The following ERICH2 variants were observed in gnomAD, a reference collection of about 807,000 sequenced individuals.
The protein encoded by ERICH2 is glutamate-rich protein 2.
A neutral mutation model predicts 17.4 loss-of-function variants in ERICH2; 17 were observed. The observed-to-expected ratio is 0.98, with a 90% CI of 0.67 to 1.47. The LOEUF is 1.47. ERICH2 is among the 40% of genes most tolerant of loss of function. The pLI is 0.00. For synonymous variants in ERICH2, 51 were observed against 61.1 expected (o/e 0.83, Z 0.77); for missense variants, 186 against 183.2 (o/e 1.01, Z -0.09).
intron 3 of ERICH2, 76 bp downstream of exon 8, chr2:170,792,996 C>T (rs1701327229): frequency 2.3e-6 from 2 of 864,306 alleles, no homozygotes; most frequent in East Asian, 5.5e-5. Flanking sequence ...TATAAAATGG[C>T]TTGATTATCA....
upstream of ERICH2, among the ~76,000 whole-genome samples, chr2:170,783,492 T>G (rs573709315): frequency 6.6e-6 from 1 of 152,164 alleles, no homozygotes; most frequent in South Asian, 2.1e-4. Flanking sequence ...GAGGATGCAG[T>G]GAGCCGAGAT....
intron 2 of ERICH2, among the ~76,000 whole-genome samples, chr2:170,786,428 T>A (rs1347163309): frequency 6.6e-6 from 1 of 152,050 alleles, no homozygotes; most frequent in Admixed American, 6.6e-5. Context: ...CTTATAAAAA[T>A]TTTTTCTTCC....
At chr2:170,785,098 T>G (rs192403029) in intron 2 of ERICH2, among the ~76,000 whole-genome samples, 5 of 152,252 alleles carry the variant, frequency 3.3e-5, no homozygotes, top group African/African-American at 7.2e-5. Context: ...TAGTTTATTG[T>G]ATACTTTAGC....
exon 1 of ERICH2, chr2:170,783,864 C>G: frequency 3.9e-6 from 6 of 1,550,528 alleles, no homozygotes; most frequent in Non-Finnish European, 5.2e-6. Flanking sequence ...GAACCAGAAA[C>G]AGGTAGACAG....
intron 2 of ERICH2, among the ~76,000 whole-genome samples, chr2:170,787,026 C>T (rs1222426923): frequency 6.9e-6 from 1 of 144,772 alleles, no homozygotes; most frequent in East Asian, 2.0e-4. Flanking sequence ...CTTTGCATGC[C>T]TATATTTTGT....
At chr2:170,781,317 G>A (rs1701021836), upstream of ERICH2, among the ~76,000 whole-genome samples, 1 of 152,082 alleles carries the variant, frequency 6.6e-6, no homozygotes. Flanking sequence ...GAGACAAATT[G>A]AAAGATTCTC....
chr2:170,777,534 C>T, the ERICH2 span: 1 of 1,063,398 alleles, frequency 9.4e-7, no homozygotes, highest in Non-Finnish European at 1.2e-6. Context: ...TAATTAAATC[C>T]TTTATTATGT....
At chr2:170,798,147 A>G (rs1233856508) in intron 4 of ERICH2, 35 bp downstream of exon 9, 9 of 1,335,614 alleles carry the variant, frequency 6.7e-6, no homozygotes, top group Non-Finnish European at 9.5e-6. Context: ...TGTTTCTCAT[A>G]GAACTATAAG....
At chr2:170,795,717 A>T (rs1392301842) in intron 3 of ERICH2, among the ~76,000 whole-genome samples, 3 of 152,190 alleles carry the variant, frequency 2.0e-5, no homozygotes, top group Non-Finnish European at 4.4e-5. Context: ...TCATCTCATG[A>T]GTGACTATGA....
chr2:170,798,706 G>A, intron 4 of ERICH2, 64 bp from the exon 10 acceptor site: 1 of 1,537,784 alleles, frequency 6.5e-7, no homozygotes, highest in South Asian at 1.2e-5. Context: ...GGGGCAAGGA[G>A]AATTATTTTT....
chr2:170,782,121 GCTAT>G (rs1347170107), upstream of ERICH2: 2 of 139,700 alleles, frequency 1.4e-5, no homozygotes, highest in Non-Finnish European at 2.8e-5. Context: ...CTACATTTTA[GCTAT>G]TTAGTTTATT....
the ERICH2 span, chr2:170,777,432 G>T: frequency 2.5e-6 from 3 of 1,204,726 alleles, no homozygotes; most frequent in Admixed American, 8.7e-5. Context: ...AACGGTAAAT[G>T]ATTTATTACT....
At chr2:170,792,887 G>A in exon 3 of ERICH2, 1 of 1,517,476 alleles carries the variant, frequency 6.6e-7, no homozygotes, top group Non-Finnish European at 8.9e-7. Flanking sequence ...AATGGCCCGA[G>A]AGTACCAGCT....
chr2:170,791,900 A>G (rs1450716478), intron 2 of ERICH2, among the ~76,000 whole-genome samples: 1 of 152,124 alleles, frequency 6.6e-6, no homozygotes. Context: ...TATTTATCAA[A>G]TATCTGGAAG....
chr2:170,787,680 C>T (rs888887138), intron 2 of ERICH2, among the ~76,000 whole-genome samples: 16 of 152,338 alleles, frequency 1.1e-4, no homozygotes, highest in Admixed American at 5.2e-4. Context: ...GTGAAACTCC[C>T]TCCTCTTTTG....
intron 1 of ERICH2, chr2:170,783,909 A>C: frequency 6.5e-7 from 1 of 1,550,382 alleles, no homozygotes; most frequent in Non-Finnish European, 8.7e-7. Context: ...TACTCTTGGA[A>C]GAACTTGATA....
chr2:170,786,033 T>C (rs2105698533), intron 2 of ERICH2, among the ~76,000 whole-genome samples: 1 of 150,948 alleles, frequency 6.6e-6, no homozygotes, highest in Admixed American at 6.6e-5. Context: ...AATACATTAT[T>C]TTTTTTAATG....
At chr2:170,793,917 G>A (rs1701348985) in intron 3 of ERICH2, among the ~76,000 whole-genome samples, 1 of 151,700 alleles carries the variant, frequency 6.6e-6, no homozygotes, top group African/African-American at 2.4e-5. Context: ...AAATTTTTTG[G>A]CCATTACCTT....
the ERICH2 span, among the ~76,000 whole-genome samples, chr2:170,778,322 G>A: frequency 2.6e-5 from 4 of 152,064 alleles, no homozygotes; most frequent in Admixed American, 1.3e-4. Context: ...ATTACAGCTT[G>A]AAAGTTGATC....
Sources: gnomAD v4.1 joint callset for allele counts (sites outside exome capture counted in the v4.1 genomes callset) on GRCh38, gnomAD v4.1.1 for gene constraint, MANE v1.5 for transcripts, NCBI Gene and HGNC (gene_info 2026-07-23, HGNC 2026-07-21) for gene names.